Variants in CDH4 observed in about 807,000 individuals in gnomAD.
CDH4 encodes cadherin 4.
In CDH4, 33 loss-of-function variants were observed where a neutral mutation model predicts 86.0. That is an observed-to-expected ratio of 0.38 (90% CI 0.29 to 0.51). The LOEUF (loss-of-function observed/expected upper bound fraction) is 0.51. Ranked by LOEUF, CDH4 falls within the 20% of genes least tolerant of loss-of-function variation. The pLI is 0.86. For missense variants in CDH4, 1,114 were observed against 1,307.4 expected, an observed-to-expected ratio of 0.85 and a Z score of 2.28; for synonymous variants, 555 against 549.4, an observed-to-expected ratio of 1.01 and a Z score of -0.14.
At chr20:61,548,622 T>A (rs2086105800) in intron 2 of CDH4, among the ~76,000 whole-genome samples, 1 of 152,176 alleles carries the variant, frequency 6.6e-6, no homozygotes, top group Non-Finnish European at 1.5e-5. Context: ...CAAACTTAAA[T>A]TATCAGGGTG....
chr20:61,320,138 G>T (rs1445105466), intron 2 of CDH4, among the ~76,000 whole-genome samples: 1 of 152,130 alleles, frequency 6.6e-6, no homozygotes, highest in African/African-American at 2.4e-5. Flanking sequence ...TTCCCTCTCT[G>T]CATTTATTTG....
intron 2 of CDH4, among the ~76,000 whole-genome samples, chr20:61,699,280 G>A (rs1453376774): frequency 2.0e-5 from 3 of 151,940 alleles, no homozygotes; most frequent in Non-Finnish European, 4.4e-5. Flanking sequence ...ATGCGGCCTG[G>A]CTGATGAGGG....
chr20:61,852,533 G>A (rs1185080307), intron 5 of CDH4, among the ~76,000 whole-genome samples: 5 of 152,210 alleles, frequency 3.3e-5, no homozygotes, highest in African/African-American at 1.2e-4. Context: ...CTGGCTTCCA[G>A]CTCTGTGCGT....
intron 2 of CDH4, among the ~76,000 whole-genome samples, chr20:61,318,448 T>C (rs574795027): frequency 6.6e-6 from 1 of 152,144 alleles, no homozygotes; most frequent in Non-Finnish European, 1.5e-5. Context: ...TCTTTTTTTT[T>C]CTCCTTTACC....
chr20:61,929,542 C>A, intron 12 of CDH4, 67 bp from the exon 13 acceptor site: 1 of 1,267,538 alleles, frequency 7.9e-7, no homozygotes. Context: ...TAGTCTTTTC[C>A]TTTGGACGTC....
chr20:61,763,466 C>T (rs1022876450), intron 3 of CDH4, among the ~76,000 whole-genome samples: 9 of 152,234 alleles, frequency 5.9e-5, no homozygotes, highest in Non-Finnish European at 1.2e-4. Flanking sequence ...TACGGCACTG[C>T]GGAGCCGGTG....
rs2087526403 is a variant in CDH4, at chr20:61,682,420, A to G, written c.170-61143A>G. On this transcript the variant is annotated intron_variant, in intron 2 of 15. Coordinates refer to ENST00000614565, the MANE Select transcript of CDH4 (RefSeq NM_001794.5). ...GATGGATGGACAGAGGGACAGATGGAAGGATGGATGGATGGAGGGGTGGGA... is the reference window on the plus strand; with the variant it reads ...GATGGATGGACAGAGGGACAGATGGGAGGATGGATGGATGGAGGGGTGGGA... Among the ~76,000 whole-genome samples, 3 of 128,170 alleles carry G rather than the reference A, an allele frequency of 2.3e-5. No homozygotes were observed. In the South Asian group the frequency reaches 9.3e-4, roughly 40 times the overall value. The allele number at this position is 128,170 out of a possible 152,430, so 84.1% of individuals were successfully genotyped here.
intron 2 of CDH4, among the ~76,000 whole-genome samples, chr20:61,368,085 G>GA (rs2084820680): frequency 6.6e-6 from 1 of 152,062 alleles, no homozygotes; most frequent in Non-Finnish European, 1.5e-5. Context: ...TGGTCAGGCT[G>GA]GTCTCAAAGT....
chr20:61,920,167 C>CGATTGTGTGGAAGCGTGGT, intron 9 of CDH4, among the ~76,000 whole-genome samples: 1 of 83,786 alleles, frequency 1.2e-5, no homozygotes, highest in African/African-American at 4.9e-5. Context: ...GGAAGCATGG[C>CGATTGTGTGGAAGCGTGGT]GTCACAGTGA....
intron 2 of CDH4, among the ~76,000 whole-genome samples, chr20:61,543,027 G>C (rs1263763044): frequency 6.6e-6 from 1 of 152,348 alleles, no homozygotes; most frequent in Non-Finnish European, 1.5e-5. Context: ...ATGTTCCAGG[G>C]CAGGAAGCAT....
chr20:61,623,837 A>G lies in CDH4; in HGVS notation c.170-119726A>G, dbSNP rs1169771505. On this transcript the variant is annotated intron_variant, in intron 2 of 15. Transcript: ENST00000614565. This position sits in a 1 kb window ranked among gnomAD's most constrained non-coding sequence, Gnocchi z 4.4. ...TCTGAGCAGGAAGGACACGGTTCCT[A>G]GAGCGAGGAACACCCCAGAATCTGA... Among the ~76,000 whole-genome samples the G allele has an allele frequency of 6.6e-6, 1 of 151,898 alleles. No individual in the cohort carries two copies. Among genetic ancestry groups the G allele is most frequent in the East Asian group, 1.9e-4 (1 of 5,162 alleles).
At chr20:61,751,294 A>G (rs1029680258) in intron 3 of CDH4, among the ~76,000 whole-genome samples, 13 of 152,182 alleles carry the variant, frequency 8.5e-5, no homozygotes, top group Non-Finnish European at 2.9e-5. Flanking sequence ...TCCATATGCA[A>G]CCAAAGCTCT....
At chr20:61,842,963 TA>T (rs1041361031) in intron 4 of CDH4, among the ~76,000 whole-genome samples, 10 of 152,382 alleles carry the variant, frequency 6.6e-5, no homozygotes, top group African/African-American at 2.4e-4. Context: ...TAAAAGCCTC[TA>T]AAAATAACTT....
intron 2 of CDH4, among the ~76,000 whole-genome samples, chr20:61,513,972 G>C (rs955168690): frequency 6.6e-6 from 1 of 152,228 alleles, no homozygotes; most frequent in Non-Finnish European, 1.5e-5. Flanking sequence ...AGGGCGCCAA[G>C]CAGAGAGAAT....
chr20:61,806,162 C>A (rs770981809), intron 4 of CDH4, among the ~76,000 whole-genome samples: 27 of 152,230 alleles, frequency 1.8e-4, no homozygotes, highest in Non-Finnish European at 2.5e-4. Flanking sequence ...TTCTGTAGGA[C>A]AGTGCGGCAG....
intron 2 of CDH4, among the ~76,000 whole-genome samples, chr20:61,450,926 A>G (rs1192404042): frequency 6.6e-6 from 1 of 151,864 alleles, no homozygotes; most frequent in African/African-American, 2.4e-5. Flanking sequence ...CTGTGGACCC[A>G]GGTCCTGAGG....
At chr20:61,340,126 T>C (rs923945926) in intron 2 of CDH4, among the ~76,000 whole-genome samples, 4 of 152,156 alleles carry the variant, frequency 2.6e-5, no homozygotes, top group African/African-American at 9.7e-5. Flanking sequence ...GAAAATAATA[T>C]TCTGATTGAA....
chr20:61,727,984 T>C (rs1257779666), intron 2 of CDH4, among the ~76,000 whole-genome samples: 1 of 152,196 alleles, frequency 6.6e-6, no homozygotes, highest in Non-Finnish European at 1.5e-5. Flanking sequence ...AGCAGGTGAC[T>C]CACTCCCAGC....
In CDH4 at chr20:61,751,070, C is replaced by T. The variant is rs565475196; in HGVS notation, c.396+7281C>T. ...AGTCAACACAACCTCAATAAAAATT[C>T]CAGCAGATTTTTTGTTTGCTCGTTT... On this transcript the variant is annotated intron_variant, in intron 3 of 15. Coordinates refer to ENST00000614565, the MANE Select transcript of CDH4 (RefSeq NM_001794.5). Among the ~76,000 whole-genome samples, 11 of 152,292 alleles carry T rather than the reference C, an allele frequency of 7.2e-5. No individual in the cohort carries two copies. The East Asian group carries it at 1.7e-3, about 24-fold the overall frequency.
Sources: gnomAD v4.1 joint callset for allele counts (sites outside exome capture counted in the v4.1 genomes callset) on GRCh38, gnomAD v4.1.1 for gene constraint, Gnocchi (gnomAD v3.1) non-coding constraint, MANE v1.5 for transcripts, NCBI Gene and HGNC (gene_info 2026-07-23, HGNC 2026-07-21) for gene names.